The following FANCC variants were observed in gnomAD, a reference collection of about 807,000 sequenced individuals.
FANCC encodes Fanconi anemia group C protein.
Under a neutral mutation model 71.3 loss-of-function variants are expected in FANCC, and 55 were observed. The observed-to-expected ratio is 0.77, with a 90% CI of 0.62 to 0.97. The LOEUF (loss-of-function observed/expected upper bound fraction) is 0.97, where lower values mean the gene tolerates loss of function less well. Ranked by LOEUF, FANCC falls within the 50% of genes least tolerant of loss-of-function variation. FANCC has a pLI of 0.00. For synonymous variants in FANCC, 275 were observed against 244.9 expected (o/e 1.12, Z -1.15); for missense variants, 678 against 670.9 (o/e 1.01, Z -0.12).
chr9:95,288,582 C>A (rs1042252448), intron 1 of FANCC, among the ~76,000 whole-genome samples: 1 of 152,158 alleles, frequency 6.6e-6, no homozygotes, highest in Non-Finnish European at 1.5e-5. Context: ...TGAGTCCCAG[C>A]ACTTGGCTCA....
At chr9:95,216,452 G>C (rs908181243) in intron 4 of FANCC, among the ~76,000 whole-genome samples, 8 of 152,072 alleles carry the variant, frequency 5.3e-5, no homozygotes, top group Non-Finnish European at 1.0e-4. Flanking sequence ...AAGACTATAG[G>C]GACCTGAACA....
chr9:95,141,629 T>C (rs1258015805), intron 7 of FANCC, among the ~76,000 whole-genome samples: 1 of 152,238 alleles, frequency 6.6e-6, no homozygotes, highest in Non-Finnish European at 1.5e-5. Context: ...GCTACAGCGA[T>C]GCTGAGGGTA....
intron 4 of FANCC, among the ~76,000 whole-genome samples, chr9:95,220,731 G>A (rs1249096840): frequency 1.3e-5 from 2 of 152,082 alleles, no homozygotes; most frequent in East Asian, 3.8e-4. Context: ...GGTAGGGGGA[G>A]AGGGGAGGGA....
At chr9:95,210,121 A>C (rs1184104326) in intron 4 of FANCC, among the ~76,000 whole-genome samples, 1 of 152,220 alleles carries the variant, frequency 6.6e-6, no homozygotes, top group African/African-American at 2.4e-5. Context: ...ATCTATATAA[A>C]ATTTTAGAAA....
At chr9:95,252,459 G>A (rs1329048417) in intron 1 of FANCC, among the ~76,000 whole-genome samples, 1 of 151,482 alleles carries the variant, frequency 6.6e-6, no homozygotes, top group Non-Finnish European at 1.5e-5. Flanking sequence ...AAAATTGCAG[G>A]CCCGGGGCTG....
intron 4 of FANCC, among the ~76,000 whole-genome samples, chr9:95,222,332 CT>C (rs1209159290): frequency 6.6e-6 from 1 of 152,042 alleles, no homozygotes; most frequent in Non-Finnish European, 1.5e-5. Flanking sequence ...TACATATAAG[CT>C]AGAACATGGA....
chr9:95,309,377 G>C (rs1004528928), intron 1 of FANCC, among the ~76,000 whole-genome samples: 1 of 152,104 alleles, frequency 6.6e-6, no homozygotes, highest in Non-Finnish European at 1.5e-5. Flanking sequence ...CCTAGCTAAC[G>C]GCTTCAAGCA....
chr9:95,194,758 T>C (rs1488243979), intron 4 of FANCC, among the ~76,000 whole-genome samples: 1 of 152,212 alleles, frequency 6.6e-6, no homozygotes, highest in Non-Finnish European at 1.5e-5. Context: ...TAGTCCTTTG[T>C]TATTTGTGGC....
intron 4 of FANCC, among the ~76,000 whole-genome samples, chr9:95,219,875 T>A (rs1258247586): frequency 6.6e-6 from 1 of 152,060 alleles, no homozygotes; most frequent in Non-Finnish European, 1.5e-5. Context: ...GGGATCTAAT[T>A]AAACTAAAGA....
At chr9:95,178,753 T>C (rs1453238873) in intron 4 of FANCC, among the ~76,000 whole-genome samples, 1 of 152,266 alleles carries the variant, frequency 6.6e-6, no homozygotes, top group Non-Finnish European at 1.5e-5. Context: ...TTAAGCTGAA[T>C]AACAATGTCA....
intron 13 of FANCC, 152 bp downstream of exon 13, chr9:95,111,311 T>C (rs886867362): frequency 6.3e-7 from 1 of 1,591,434 alleles, no homozygotes; most frequent in Non-Finnish European, 8.5e-7. Context: ...AGGCTGGAGA[T>C]CACCATGCCT....
At chr9:95,235,822 C>G (rs908592638) in intron 4 of FANCC, among the ~76,000 whole-genome samples, 4 of 92,692 alleles carry the variant, frequency 4.3e-5, no homozygotes, top group African/African-American at 1.3e-4. Context: ...CCAACCTGGG[C>G]AACAAGAGTG....
At chr9:95,231,002 T>G (rs1409147859) in intron 4 of FANCC, among the ~76,000 whole-genome samples, 1 of 152,206 alleles carries the variant, frequency 6.6e-6, no homozygotes, top group Non-Finnish European at 1.5e-5. Flanking sequence ...TTTACAATCC[T>G]CTAGCTAGAC....
chr9:95,287,545 CT>C (rs1833760381), intron 1 of FANCC, among the ~76,000 whole-genome samples: 1 of 152,194 alleles, frequency 6.6e-6, no homozygotes, highest in Admixed American at 6.5e-5. Context: ...CCCACTCAAA[CT>C]TTTGTGGGGA....
At chr9:95,102,325 T>A (rs1238607777) in intron 14 of FANCC, among the ~76,000 whole-genome samples, 1 of 152,232 alleles carries the variant, frequency 6.6e-6, no homozygotes, top group Non-Finnish European at 1.5e-5. Flanking sequence ...CAACCGGACC[T>A]ACTTGCTTTT....
intron 1 of FANCC, chr9:95,294,101 T>C (rs202130099): frequency 1.7e-4 from 278 of 1,610,408 alleles, no homozygotes; most frequent in South Asian, 1.5e-4. Flanking sequence ...ACCCAAACCA[T>C]AGATTTATTA....
chr9:95,112,965 G>A (rs1259460878), intron 12 of FANCC, among the ~76,000 whole-genome samples: 1 of 152,208 alleles, frequency 6.6e-6, no homozygotes, highest in Non-Finnish European at 1.5e-5. Context: ...AGAGAGAAGA[G>A]AAAAACACCC....
intron 4 of FANCC, among the ~76,000 whole-genome samples, chr9:95,192,585 T>C (rs1257391110): frequency 6.6e-6 from 1 of 152,240 alleles, no homozygotes; most frequent in Non-Finnish European, 1.5e-5. Context: ...AAATATGTTA[T>C]TAAATATAAC....
At chr9:95,189,503 C>A (rs1318613713) in intron 4 of FANCC, among the ~76,000 whole-genome samples, 1 of 149,530 alleles carries the variant, frequency 6.7e-6, no homozygotes, top group African/African-American at 2.5e-5. Flanking sequence ...CTTACAGAAC[C>A]TCTTGCTTGC....
Sources: allele counts gnomAD v4.1 joint callset (sites outside exome capture counted in the v4.1 genomes callset), GRCh38; gene constraint gnomAD v4.1.1; transcripts MANE v1.5; gene names NCBI Gene and HGNC (gene_info 2026-07-23, HGNC 2026-07-21).